The following AK5 variants were observed in gnomAD, a reference collection of about 807,000 sequenced individuals.
AK5 encodes the protein adenylate kinase isoenzyme 5.
Under a neutral mutation model 69.5 loss-of-function variants are expected in AK5, and 27 were observed. That is an observed-to-expected ratio of 0.39 (90% CI 0.29 to 0.54). AK5 has a LOEUF of 0.54. Ranked by LOEUF, AK5 falls within the 20% of genes least tolerant of loss-of-function variation. The pLI, the probability that AK5 is intolerant of heterozygous loss-of-function variation, is 0.71. For missense variants in AK5, 531 were observed against 700.4 expected, an observed-to-expected ratio of 0.76 and a Z score of 2.73; for synonymous variants, 260 against 244.4, an observed-to-expected ratio of 1.06 and a Z score of -0.60.
intron 5 of AK5, among the ~76,000 whole-genome samples, chr1:77,339,504 G>C (rs1400931183): frequency 6.6e-6 from 1 of 152,170 alleles, no homozygotes; most frequent in Non-Finnish European, 1.5e-5. Context: ...CCTTAGACCA[G>C]ACAGACTTGA....
chr1:77,337,047 A>T (rs1661398714), intron 5 of AK5, among the ~76,000 whole-genome samples: 1 of 152,146 alleles, frequency 6.6e-6, no homozygotes, highest in Admixed American at 6.5e-5. Flanking sequence ...GCATTTATTG[A>T]TCAAAAATCT....
At chr1:77,307,333 C>G (rs758982446) in intron 5 of AK5, among the ~76,000 whole-genome samples, 1 of 150,560 alleles carries the variant, frequency 6.6e-6, no homozygotes, top group Non-Finnish European at 1.5e-5. Context: ...TTTCAGTTTC[C>G]TTCTTAATTT....
At chr1:77,374,800 A>G (rs1418501264) in intron 6 of AK5, among the ~76,000 whole-genome samples, 1 of 151,410 alleles carries the variant, frequency 6.6e-6, no homozygotes, top group East Asian at 1.9e-4. Flanking sequence ...AGCCTGGACA[A>G]CAGAGTGAGA....
intron 5 of AK5, among the ~76,000 whole-genome samples, chr1:77,298,370 A>T (rs1659130548): frequency 6.6e-6 from 1 of 152,134 alleles, no homozygotes; most frequent in Non-Finnish European, 1.5e-5. Flanking sequence ...GTAGATTAAG[A>T]TAGGGTTCAG....
intron 8 of AK5, among the ~76,000 whole-genome samples, chr1:77,480,116 CCGAG>C (rs1171932448): frequency 3.8e-5 from 4 of 104,786 alleles, no homozygotes; most frequent in Middle Eastern, 5.3e-3. Flanking sequence ...CCCATTCACC[CCGAG>C]TGTGTGTGTG....
At position 77,367,673 on chromosome 1, in the gene AK5, A is replaced by T. The variant is rs1358152504; in HGVS notation, c.891+27105A>T. On this transcript the variant is annotated intron_variant, in intron 6 of 13. Coordinates refer to ENST00000354567, the MANE Select transcript of AK5 (RefSeq NM_174858.3). ...TATATGTTATATATATGTTATATAT[A>T]ATATATATGTTATATATACGTTATA... Among the ~76,000 whole-genome samples, 123 of 34,482 alleles carry T rather than the reference A, an allele frequency of 3.6e-3. 6 individuals carry two copies. Among genetic ancestry groups the T allele is most frequent in the Middle Eastern group, 0.013 (1 of 76 alleles). 22.6% of individuals were successfully genotyped at this position (34,482 alleles called of 152,430 possible). A position where few individuals can be genotyped will look rare whatever the true frequency, so the allele number is the denominator to read the frequency against.
chr1:77,514,446 A>G (rs1657524460), intron 10 of AK5, among the ~76,000 whole-genome samples: 1 of 152,214 alleles, frequency 6.6e-6, no homozygotes, highest in Non-Finnish European at 1.5e-5. Context: ...AAAAGTCATA[A>G]GTTAAGACCT....
chr1:77,403,870 C>A (rs556398624), intron 6 of AK5, among the ~76,000 whole-genome samples: 6 of 152,276 alleles, frequency 3.9e-5, no homozygotes, highest in African/African-American at 1.4e-4. Context: ...GGCATTGAAT[C>A]TATAAATTAC....
chr1:77,486,277 G>A lies in AK5; in HGVS notation c.1103-31G>A, dbSNP rs1457305860. 6 of 1,454,064 alleles carry A rather than the reference G, an allele frequency of 4.1e-6. No homozygotes were observed. In the East Asian group the frequency reaches 1.4e-4, roughly 33 times the overall value. The allele number at this position is 1,454,064 out of a possible 1,614,324, so 90.1% of individuals were successfully genotyped here. A position where few individuals can be genotyped will look rare whatever the true frequency, so the allele number is the denominator to read the frequency against. ...CCAGGGCTTCAGTACAGTTTTTCTT[G>A]CCAATAACTTAAGTTATTCTTATTT... On this transcript the variant is annotated intron_variant, in intron 9 of 13. Coordinates refer to ENST00000354567, the MANE Select transcript of AK5 (RefSeq NM_174858.3).
chr1:77,485,844 C>T (rs549402301), intron 9 of AK5, among the ~76,000 whole-genome samples: 150 of 152,252 alleles, frequency 9.9e-4, no homozygotes, highest in African/African-American at 3.6e-3. Flanking sequence ...AAGCAGGGCA[C>T]GGTGGCTCAC....
intron 5 of AK5, among the ~76,000 whole-genome samples, chr1:77,319,648 C>CA (rs1660419922): frequency 6.6e-6 from 1 of 152,160 alleles, no homozygotes; most frequent in Admixed American, 6.5e-5. Flanking sequence ...CCTTAATTTC[C>CA]AGGCCCAATT....
chr1:77,474,778 C>T (rs1012459291), intron 8 of AK5, among the ~76,000 whole-genome samples: 1 of 152,170 alleles, frequency 6.6e-6, no homozygotes, highest in Non-Finnish European at 1.5e-5. Flanking sequence ...TGAAAACACA[C>T]AAACACACAT....
intron 8 of AK5, among the ~76,000 whole-genome samples, chr1:77,447,794 C>T (rs1652844942): frequency 6.6e-6 from 1 of 152,122 alleles, no homozygotes; most frequent in South Asian, 2.1e-4. Context: ...AATGAGAAAC[C>T]AAATAACCTC....
At chr1:77,509,872 C>T (rs144017915) in intron 10 of AK5, among the ~76,000 whole-genome samples, 7 of 152,258 alleles carry the variant, frequency 4.6e-5, no homozygotes, top group African/African-American at 1.4e-4. Context: ...CCTCATTTTG[C>T]AGATAATAAT....
intron 6 of AK5, among the ~76,000 whole-genome samples, chr1:77,385,217 T>C (rs1647931325): frequency 6.6e-6 from 1 of 152,128 alleles, no homozygotes; most frequent in Non-Finnish European, 1.5e-5. Context: ...TGGAGTGCAG[T>C]GGCACAATCT....
At chr1:77,541,480 T>C (rs533024506) in intron 13 of AK5, among the ~76,000 whole-genome samples, 3 of 152,274 alleles carry the variant, frequency 2.0e-5, no homozygotes, top group African/African-American at 7.2e-5. Flanking sequence ...GAGGCAAACA[T>C]TGTGGGGCGT....
At chr1:77,332,716 C>T (rs948967853) in intron 5 of AK5, among the ~76,000 whole-genome samples, 5 of 151,630 alleles carry the variant, frequency 3.3e-5, no homozygotes, top group Non-Finnish European at 7.4e-5. Flanking sequence ...CTGAGGCTTC[C>T]TTTATGGCTC....
At chr1:77,516,361 AC>A (rs1657643377) in intron 10 of AK5, among the ~76,000 whole-genome samples, 1 of 152,180 alleles carries the variant, frequency 6.6e-6, no homozygotes, top group African/African-American at 2.4e-5. Flanking sequence ...CATGATGGCT[AC>A]AGTTAACAAC....
intron 12 of AK5, among the ~76,000 whole-genome samples, chr1:77,534,267 C>T (rs1658832496): frequency 6.6e-6 from 1 of 152,114 alleles, no homozygotes; most frequent in African/African-American, 2.4e-5. Flanking sequence ...TCCTCTGATC[C>T]AGGGTTGGAG....
Sources: allele counts gnomAD v4.1 joint callset (sites outside exome capture counted in the v4.1 genomes callset), GRCh38; gene constraint gnomAD v4.1.1; transcripts MANE v1.5; gene names NCBI Gene and HGNC (gene_info 2026-07-23, HGNC 2026-07-21).